SPRED1: variants seen among roughly 807,000 people sequenced by gnomAD.
SPRED1 encodes sprouty related EVH1 domain containing 1.
In SPRED1, 18 loss-of-function variants were observed where a neutral mutation model predicts 52.3. The ratio of observed to expected loss-of-function variants is 0.34; its 90% CI spans 0.24 to 0.51. SPRED1 has a LOEUF of 0.51. Among genes scored for constraint, SPRED1 ranks in the 20% least tolerant of loss-of-function variants. SPRED1 has a pLI of 0.97. For missense variants in SPRED1, 485 were observed against 551.0 expected, an observed-to-expected ratio of 0.88 and a Z score of 1.20; for synonymous variants, 155 against 179.7, an observed-to-expected ratio of 0.86 and a Z score of 1.10.
At chr15:38,339,981 G>A in intron 5 of SPRED1, 86 bp downstream of exon 5, 1 of 1,527,872 alleles carries the variant, frequency 6.5e-7, no homozygotes, top group Non-Finnish European at 9.0e-7. Context: ...AAAACCATCT[G>A]CCCTTTACCA....
chr15:38,347,852 A>G lies in SPRED1; in HGVS notation c.583-1570A>G, dbSNP rs193178676. On this transcript the variant is annotated intron_variant, in intron 5 of 6. Transcript: ENST00000299084. ...CCTGAAGATTATAGCAAAAGTACCA[A>G]ATTTTGAGGGTATTAAAAAGCAGAA... 2.6e-5 allele frequency among the ~76,000 whole-genome samples: 4 copies of G among 152,100 alleles called. No individual in the cohort carries two copies. The East Asian group carries it at 7.7e-4, about 29-fold the overall frequency.
chr15:38,288,711 C>T (rs544145019), intron 1 of SPRED1, among the ~76,000 whole-genome samples: 10 of 152,102 alleles, frequency 6.6e-5, no homozygotes, highest in African/African-American at 1.9e-4. Flanking sequence ...GAGGTATAGC[C>T]TTCTAAGTTA....
intron 1 of SPRED1, among the ~76,000 whole-genome samples, chr15:38,263,770 C>G (rs1040908008): frequency 6.6e-6 from 1 of 151,936 alleles, no homozygotes; most frequent in African/African-American, 2.4e-5. Flanking sequence ...TTGTCTTGGG[C>G]CACCTATAAA....
At chr15:38,278,074 G>A (rs1478654372) in intron 1 of SPRED1, among the ~76,000 whole-genome samples, 2 of 152,118 alleles carry the variant, frequency 1.3e-5, no homozygotes, top group Non-Finnish European at 2.9e-5. Flanking sequence ...ATGAAAACAG[G>A]TAAGAAATAA....
At chr15:38,338,216 GA>G (rs1282047400) in intron 4 of SPRED1, among the ~76,000 whole-genome samples, 12 of 125,466 alleles carry the variant, frequency 9.6e-5, no homozygotes, top group African/African-American at 1.2e-4. Flanking sequence ...CATTTCAAAA[GA>G]AAAAAAAAAG....
chr15:38,319,614 T>A (rs1895561272), intron 2 of SPRED1, among the ~76,000 whole-genome samples: 1 of 152,138 alleles, frequency 6.6e-6, no homozygotes, highest in African/African-American at 2.4e-5. Context: ...CTGACCTCAG[T>A]TGATCCACCC....
chr15:38,255,082 A>G (rs1023296331), intron 1 of SPRED1, among the ~76,000 whole-genome samples: 57 of 152,214 alleles, frequency 3.7e-4, no homozygotes, highest in African/African-American at 1.4e-3. Context: ...TAACACAAGT[A>G]AAATATATTT....
chr15:38,280,260 A>T (rs893064583), intron 1 of SPRED1, among the ~76,000 whole-genome samples: 2 of 152,222 alleles, frequency 1.3e-5, no homozygotes, highest in African/African-American at 4.8e-5. Context: ...CCTTAAAGGA[A>T]CACAATAGTA....
intron 5 of SPRED1, among the ~76,000 whole-genome samples, chr15:38,343,682 A>G (rs1351266500): frequency 3.9e-5 from 6 of 152,124 alleles, no homozygotes; most frequent in Middle Eastern, 3.2e-3. Context: ...GAATTACTCA[A>G]GGTAGACACA....
intron 1 of SPRED1, among the ~76,000 whole-genome samples, chr15:38,270,032 C>T (rs892329663): frequency 1.3e-5 from 2 of 151,554 alleles, no homozygotes; most frequent in Non-Finnish European, 2.9e-5. Context: ...CTCAGCCTCC[C>T]GAGTAGCTGG....
chr15:38,307,601 A>G (rs941471162), intron 2 of SPRED1, among the ~76,000 whole-genome samples: 1 of 152,128 alleles, frequency 6.6e-6, no homozygotes, highest in Non-Finnish European at 1.5e-5. Flanking sequence ...GGGCTTTAAC[A>G]TATGAATTTG....
At chr15:38,343,966 G>GA (rs1266936564) in intron 5 of SPRED1, among the ~76,000 whole-genome samples, 2 of 151,922 alleles carry the variant, frequency 1.3e-5, no homozygotes, top group South Asian at 2.1e-4. Flanking sequence ...GTACAAGAAG[G>GA]AAAAAATTGA....
In SPRED1 at chr15:38,299,379, T is replaced by A; in HGVS notation, c.39T>A (p.Ser13Arg). Residue 13 changes from serine (S) to arginine (R), a missense_variant, in exon 2 of 7, where the codon AGT becomes AGA. Transcript: ENST00000299084. Reference protein sequence around the residue: ...EETATSDNDNSYARVRAVVMT... With the variant: ...EETATSDNDNRYARVRAVVMT... ...ATCTTTGCATCTATTTTAGTAATAG[T>A]TATGCACGAGTGCGAGCTGTGGTGA... 1 of 1,613,886 alleles carries A rather than the reference T, an allele frequency of 6.2e-7. No homozygotes were observed. Among genetic ancestry groups the A allele is most frequent in the Admixed American group, 1.7e-5 (1 of 59,988 alleles).
chr15:38,299,596 G>T, intron 2 of SPRED1, 49 bp downstream of exon 2: 1 of 1,536,108 alleles, frequency 6.5e-7, no homozygotes, highest in Middle Eastern at 1.7e-4. Flanking sequence ...TGAATTATCT[G>T]TTTAAAGTTA....
intron 4 of SPRED1, among the ~76,000 whole-genome samples, chr15:38,330,858 T>G (rs535949847): frequency 7.9e-5 from 12 of 152,242 alleles, no homozygotes; most frequent in African/African-American, 2.9e-4. Context: ...TTTGACTTAT[T>G]TATTGGGAAT....
chr15:38,338,160 G>A (rs933781700), intron 4 of SPRED1, among the ~76,000 whole-genome samples: 12 of 150,622 alleles, frequency 8.0e-5, no homozygotes, highest in Middle Eastern at 3.4e-3. Flanking sequence ...GCAGTGAGCC[G>A]AGATTGCATC....
chr15:38,294,000 C>T (rs1043066538), intron 1 of SPRED1, among the ~76,000 whole-genome samples: 1 of 151,730 alleles, frequency 6.6e-6, no homozygotes, highest in Non-Finnish European at 1.5e-5. Context: ...CATAACTTTT[C>T]AATTTTGTTT....
At chr15:38,316,753 T>TTG (rs1895491303) in intron 2 of SPRED1, among the ~76,000 whole-genome samples, 1 of 146,372 alleles carries the variant, frequency 6.8e-6, no homozygotes, top group Non-Finnish European at 1.5e-5. Context: ...TATATGTTTT[T>TTG]TTTTTTTTTT....
At chr15:38,319,950 T>C (rs1895569833) in intron 2 of SPRED1, among the ~76,000 whole-genome samples, 1 of 152,226 alleles carries the variant, frequency 6.6e-6, no homozygotes, top group Non-Finnish European at 1.5e-5. Flanking sequence ...CATGCCATCA[T>C]TGCATATAGC....
Sources: gnomAD v4.1 joint callset for allele counts (sites outside exome capture counted in the v4.1 genomes callset) on GRCh38, gnomAD v4.1.1 for gene constraint, MANE v1.5 for transcripts, NCBI Gene and HGNC (gene_info 2026-07-23, HGNC 2026-07-21) for gene names.